The following NUMA1 variants were observed in gnomAD, a reference collection of about 807,000 sequenced individuals.
NUMA1 encodes SP-H antigen.
NUMA1 carries 62 observed loss-of-function variants against 237.1 expected under a neutral mutation model. The ratio of observed to expected loss-of-function variants is 0.26; its 90% CI spans 0.21 to 0.32. The LOEUF (loss-of-function observed/expected upper bound fraction) is 0.32, where lower values mean the gene tolerates loss of function less well. NUMA1 is among the 10% of genes least tolerant of loss of function. The pLI, the probability that NUMA1 is intolerant of heterozygous loss-of-function variation, is 1.00. For missense variants in NUMA1, 2,533 were observed against 2,666.5 expected, an observed-to-expected ratio of 0.95 and a Z score of 1.10; for synonymous variants, 1,028 against 1,066.1, an observed-to-expected ratio of 0.96 and a Z score of 0.70.
At chr11:72,022,918 C>A in intron 6 of NUMA1, 147 bp downstream of exon 6, 1 of 613,292 alleles carries the variant, frequency 1.6e-6, no homozygotes, top group Non-Finnish European at 2.9e-6. Flanking sequence ...AGACAGGTGG[C>A]TGCCTGGTTC....
chr11:72,023,749 AT>A (rs1939209942), intron 5 of NUMA1, among the ~76,000 whole-genome samples: 1 of 152,236 alleles, frequency 6.6e-6, no homozygotes, highest in African/African-American at 2.4e-5. Context: ...ATGTGTTCTT[AT>A]TTAATCCACC....
rs1247068533 is a variant in NUMA1 at position 72,039,704 on chromosome 11, G to C, written c.-32-3729C>G. ...AAATGGCTGCCCCATCTGTGCGCCA[G>C]TGCTCACTTGCAAAATTTACCACCA... On this transcript the variant is annotated intron_variant, in intron 2 of 26. Transcript: ENST00000393695. 2.0e-5 allele frequency: 3 copies of C among 152,454 alleles called. No homozygotes were observed. In the South Asian group the frequency reaches 6.2e-4, roughly 32 times the overall value. 9.4% of individuals were successfully genotyped at this position (152,454 alleles called of 1,614,324 possible). A position where few individuals can be genotyped will look rare whatever the true frequency, so the allele number is the denominator to read the frequency against.
chr11:72,023,558 C>T (rs1939178488), intron 5 of NUMA1, among the ~76,000 whole-genome samples: 1 of 152,196 alleles, frequency 6.6e-6, no homozygotes, highest in Non-Finnish European at 1.5e-5. Context: ...GACTCTTATA[C>T]TGCCCGAGGG....
chr11:72,003,242 C>G lies in NUMA1; in HGVS notation c.*285G>C. 2.0e-6 allele frequency: 1 copy of G among 489,330 alleles called. No homozygotes were observed. The highest frequency in any genetic ancestry group is 3.4e-5 in the East Asian group (1 of 29,666). The allele number at this position is 489,330 out of a possible 1,614,324, so 30.3% of individuals were successfully genotyped here. On this transcript the variant is annotated 3_prime_UTR_variant, in exon 27 of 27. Transcript: ENST00000393695. ...AGGACCCAGCCATCAAAACCAGCCT[C>G]AAATCTGGTTGTGATGGAGAAGTGA... is the stretch of plus-strand genomic sequence containing the variant.
Position 72,014,663 on chromosome 11 carries a change from C to G in NUMA1, c.2840G>C (p.Arg947Thr). Reference protein sequence around the residue: ...LVKEPARAGDRQPEWLEEQQG... With the variant: ...LVKEPARAGDTQPEWLEEQQG... ...TTGCTCTTCCAGCCACTCGGGCTGT[C>G]TGTCTCCTGCCCTCGCAGGCTCCTT... The change falls in exon 15 of 27, where the codon AGA becomes ACA. Residue 947 changes from arginine to threonine, a missense_variant. Transcript: ENST00000393695. The surrounding 1 kb of genome is among the most constrained non-coding windows in gnomAD (Gnocchi z 4.6). 6.2e-7 allele frequency: 1 copy of G among 1,613,034 alleles called. No individual in the cohort carries two copies. The highest frequency in any genetic ancestry group is 8.5e-7 in the Non-Finnish European group (1 of 1,180,036).
At chr11:72,025,379 TC>T (rs1455091909) in intron 4 of NUMA1, among the ~76,000 whole-genome samples, 1 of 151,180 alleles carries the variant, frequency 6.6e-6, no homozygotes, top group Non-Finnish European at 1.5e-5. Flanking sequence ...GCCACTGCAC[TC>T]CAGCCTGGGC....
intron 4 of NUMA1, among the ~76,000 whole-genome samples, chr11:72,028,908 A>G (rs973156754): frequency 6.6e-6 from 1 of 152,178 alleles, no homozygotes; most frequent in African/African-American, 2.4e-5. Context: ...GAGATGGGGA[A>G]CCCAAGAGTG....
At chr11:72,018,341 T>C in intron 11 of NUMA1, 41 bp from the exon 12 acceptor site, 2 of 1,607,980 alleles carry the variant, frequency 1.2e-6, no homozygotes, top group Non-Finnish European at 1.7e-6. Context: ...TATGGGTTCC[T>C]GGCTGGGTGA....
Position 72,009,058 on chromosome 11 carries a change from C to CCCAG in NUMA1, c.4963_4966dup (p.Gly1656AlafsTer4). The CCCAG allele has an allele frequency of 6.2e-7, 1 of 1,613,718 alleles. No homozygotes were observed. On this transcript the variant is annotated frameshift_variant, in exon 19 of 27. Coordinates refer to ENST00000393695, the MANE Select transcript of NUMA1 (RefSeq NM_006185.4). LOFTEE classifies it high-confidence loss of function. ...CAGCCCAGCCTGCTGTAGCTCATGG[C>CCCAG]CCAGCCGTTCAGCTTCAGCTCGCAG...
Position 72,064,746 on chromosome 11 carries a change from T to C in NUMA1, c.-33+5096A>G, listed in dbSNP as rs145337378. On this transcript the variant is annotated intron_variant, in intron 2 of 26. Transcript: ENST00000393695. ...TATTTGGGAGGCTGAGGTAGGAGGA[T>C]TGCTTGAGCCCAGAAGGTTGAGGCT... Among the ~76,000 whole-genome samples, 17 of 152,258 alleles carry C rather than the reference T, an allele frequency of 1.1e-4. No homozygotes were observed. In the East Asian group the frequency reaches 3.3e-3, roughly 29 times the overall value.
chr11:72,029,283 C>T lies in NUMA1; in HGVS notation c.50G>A (p.Ser17Asn). The T allele has an allele frequency of 6.2e-7, 1 of 1,605,648 alleles. No individual in the cohort carries two copies. Among genetic ancestry groups the T allele is most frequent in the Non-Finnish European group, 8.5e-7 (1 of 1,177,994 alleles). ...RGAALLSWVNSLHVADPVEAV... is the reference protein window; with the variant it reads ...RGAALLSWVNNLHVADPVEAV... The stretch of plus-strand genomic sequence containing the variant: ...CTCCACAGGGTCAGCCACGTGTAGA[C>T]TGTTCACCTGTAAATCAAAGGGAAC... The change falls in exon 4 of 27, where the codon AGT becomes AAT. Residue 17 changes from serine to asparagine, a missense_variant. By Grantham distance (46) the Ser-to-Asn change is conservative. Coordinates refer to ENST00000393695, the MANE Select transcript of NUMA1 (RefSeq NM_006185.4).
At chr11:72,003,729 C>T (rs1850754952) in intron 26 of NUMA1, 158 bp downstream of exon 26, 1 of 996,394 alleles carries the variant, frequency 1.0e-6, no homozygotes, top group African/African-American at 1.6e-5. Context: ...CATCTGTCTT[C>T]TCTCCTTGGA....
chr11:72,017,599 C>T (rs767347800), intron 13 of NUMA1, 88 bp downstream of exon 13: 5 of 1,519,852 alleles, frequency 3.3e-6, no homozygotes, highest in Admixed American at 3.3e-5. Flanking sequence ...AACTTAATAC[C>T]CAAAGGCCCA....
chr11:72,013,342 C>G lies in NUMA1; in HGVS notation c.4161G>C (p.Gln1387His). ...GCAGTCCCCCAGCGGCCTGCTTGCT[C>G]TGCTCCAGCTCCTCACGGTGGCGTT... ...AEKRHREELE[Q>H]SKQAAGGLRA... Residue 1387 changes from glutamine (Q) to histidine (H), a missense_variant, in exon 15 of 27, where the codon CAG (glutamine) becomes CAC (histidine). Physicochemically the swap from Gln to His is conservative, Grantham distance 24. Around this residue, in one of 3 missense-constraint regions of NUMA1, gnomAD observed 324 missense variants for 407.6 expected, o/e 0.79. Transcript: ENST00000393695. This position sits in a 1 kb window ranked among gnomAD's most constrained non-coding sequence, Gnocchi z 6.8. The G allele has an allele frequency of 6.2e-7, 1 of 1,607,926 alleles. No individual in the cohort carries two copies. The highest frequency in any genetic ancestry group is 1.1e-5 in the South Asian group (1 of 91,044).
Position 72,018,277 on chromosome 11 carries a change from G to T in NUMA1, c.884C>A (p.Thr295Asn), listed in dbSNP as rs1030945706. The T allele has an allele frequency of 6.2e-7, 1 of 1,614,016 alleles. No individual in the cohort carries two copies. Among genetic ancestry groups the T allele is most frequent in the African/African-American group, 1.3e-5 (1 of 74,932 alleles). The change falls in exon 12 of 27, where the codon ACC becomes AAC. Residue 295 changes from threonine (T) to asparagine (N), a missense_variant. Coordinates refer to ENST00000393695, the MANE Select transcript of NUMA1 (RefSeq NM_006185.4). ...CTTCAGGTCCTGGCACTGCTTCAGG[G>T]TTTCATGCAGCCGCATGGTAAGGCT... ...NESLTMRLHE[T>N]LKQCQDLKTE...
At position 72,014,328 on chromosome 11, in the gene NUMA1, T is replaced by C. The variant is rs991419852; in HGVS notation, c.3175A>G (p.Lys1059Glu). The C allele has an allele frequency of 1.9e-6, 3 of 1,613,744 alleles. No homozygotes were observed. Among genetic ancestry groups the C allele is most frequent in the South Asian group, 1.1e-5 (1 of 91,094 alleles). Residue 1059 changes from lysine (K) to glutamate (E), a missense_variant, in exon 15 of 27, where the codon AAG becomes GAG. Physicochemically the swap from Lys to Glu is moderately conservative, Grantham distance 56. Around this residue, in one of 3 missense-constraint regions of NUMA1, gnomAD observed 1,414 missense variants for 1,508.1 expected, o/e 0.94. Coordinates refer to ENST00000393695, the MANE Select transcript of NUMA1 (RefSeq NM_006185.4). This position sits in a 1 kb window ranked among gnomAD's most constrained non-coding sequence, Gnocchi z 4.6. ...GCCAACTCCTGGTCCTTGCCTTCCTTTTCCGTCAGGGCATGAGCCAGTGCC... is the reference window on the plus strand; with the variant it reads ...GCCAACTCCTGGTCCTTGCCTTCCTCTTCCGTCAGGGCATGAGCCAGTGCC... ...QEALAHALTEKEGKDQELAKL... is the reference protein window; with the variant it reads ...QEALAHALTEEEGKDQELAKL...
chr11:72,021,364 C>T lies in NUMA1; in HGVS notation c.373-73G>A. The T allele has an allele frequency of 3.0e-6, 4 of 1,335,932 alleles. No homozygotes were observed. In the South Asian group the frequency reaches 4.8e-5, roughly 16 times the overall value. The allele number at this position is 1,335,932 out of a possible 1,614,324, so 82.8% of individuals were successfully genotyped here. ...AAGGGATGGCTGCCAGGAGCTCCACCCTGGCAGTGCCAGTCCCCGGCTCCC... is the reference window on the plus strand; with the variant it reads ...AAGGGATGGCTGCCAGGAGCTCCACTCTGGCAGTGCCAGTCCCCGGCTCCC... On this transcript the variant is annotated intron_variant, in intron 7 of 26. Coordinates refer to ENST00000393695, the MANE Select transcript of NUMA1 (RefSeq NM_006185.4).
chr11:72,005,142 T>TC (rs1381703083), intron 23 of NUMA1, 91 bp downstream of exon 23: 1 of 1,384,852 alleles, frequency 7.2e-7, no homozygotes, highest in Admixed American at 2.5e-5. Flanking sequence ...CAGTCAGTGA[T>TC]CCAGGGCCCT....
chr11:72,010,895 C>A, intron 16 of NUMA1, 41 bp from the exon 17 acceptor site: 1 of 1,555,146 alleles, frequency 6.4e-7, no homozygotes, highest in Non-Finnish European at 8.9e-7. Flanking sequence ...AGGAGGACTT[C>A]CCCTGGATGT....
Sources: allele counts gnomAD v4.1 joint callset (sites outside exome capture counted in the v4.1 genomes callset), GRCh38; gene constraint gnomAD v4.1.1; regional missense constraint gnomAD v4.1.1; non-coding constraint Gnocchi (gnomAD v3.1); transcripts MANE v1.5; gene names NCBI Gene and HGNC (gene_info 2026-07-23, HGNC 2026-07-21).